The following ATRX variants were observed in gnomAD, a reference collection of about 807,000 sequenced individuals.
ATRX encodes the protein ATRX chromatin remodeler.
In ATRX, 12 loss-of-function variants were observed where a neutral mutation model predicts 172.6. The observed-to-expected ratio is 0.07, with a 90% CI of 0.04 to 0.11. The LOEUF is 0.11. Ranked by LOEUF, ATRX falls within the 10% of genes least tolerant of loss-of-function variation. The pLI, the probability that ATRX is intolerant of heterozygous loss-of-function variation, is 1.00. For missense variants in ATRX, 1,368 were observed against 1,767.4 expected, an observed-to-expected ratio of 0.77 and a Z score of 4.05; for synonymous variants, 674 against 594.7, an observed-to-expected ratio of 1.13 and a Z score of -1.94.
intron 1 of ATRX, among the ~76,000 whole-genome samples, chrX:77,754,273 G>A (rs2075410123): frequency 9.0e-6 from 1 of 110,939 alleles, no homozygotes; most frequent in Non-Finnish European, 1.9e-5. Context: ...GCACACCAAT[G>A]GGTCTTGACT....
chrX:77,536,848 C>T (rs1602423568), intron 30 of ATRX, among the ~76,000 whole-genome samples: 1 of 111,412 alleles, frequency 9.0e-6, no homozygotes, highest in East Asian at 2.8e-4. Context: ...CTTACACACA[C>T]ACACACGCAC....
chrX:77,596,951 A>G (rs1557084235), intron 25 of ATRX: 1 of 111,140 alleles, frequency 9.0e-6, no homozygotes, highest in Non-Finnish European at 1.9e-5. Flanking sequence ...AAAATTCAAC[A>G]AGAGTATTTT....
chrX:77,528,450 G>A (rs2063469480), intron 30 of ATRX, among the ~76,000 whole-genome samples: 1 of 111,268 alleles, frequency 9.0e-6, no homozygotes, highest in African/African-American at 3.3e-5. Context: ...TCCTGACTGG[G>A]TGAGATCTTC....
intron 2 of ATRX, among the ~76,000 whole-genome samples, chrX:77,704,396 A>G (rs1177790626): frequency 9.0e-6 from 1 of 111,624 alleles, no homozygotes; most frequent in African/African-American, 3.3e-5. Context: ...GTGCATGCCA[A>G]TTGGTCCACA....
At chrX:77,623,398 C>T (rs781994119) in intron 19 of ATRX, among the ~76,000 whole-genome samples, 9 of 110,982 alleles carry the variant, frequency 8.1e-5, no homozygotes, top group East Asian at 5.7e-4. Context: ...TAACAAGCAG[C>T]GAGACTGAAA....
At chrX:77,606,006 G>A (rs1557090284) in intron 22 of ATRX, among the ~76,000 whole-genome samples, 1 of 111,199 alleles carries the variant, frequency 9.0e-6, no homozygotes, top group Non-Finnish European at 1.9e-5. Flanking sequence ...AGAAGAAATG[G>A]ATAAATTCCT....
rs782237740 is a variant in ATRX, at chrX:77,762,304, CAAAAAA to C, written c.20+23672_20+23677del. Among the ~76,000 whole-genome samples, 3 of 23,410 alleles carry C rather than the reference CAAAAAA, an allele frequency of 1.3e-4. No individual in the cohort carries two copies. In the East Asian group the frequency reaches 4.6e-3, roughly 36 times the overall value. 20.3% of individuals were successfully genotyped at this position (23,410 alleles called of 115,157 possible). ...TGGGCGACAGAGCAAGACTCTGTCT[CAAAAAA>C]AAAAAAAAAAAAAAAAAAGATACAC... is the stretch of plus-strand genomic sequence containing the variant. On this transcript the variant is annotated intron_variant, in intron 1 of 34. Coordinates refer to ENST00000373344, the MANE Select transcript of ATRX (RefSeq NM_000489.6).
chrX:77,750,136 TTGTTA>T (rs1416647807), intron 1 of ATRX, among the ~76,000 whole-genome samples: 1 of 111,924 alleles, frequency 8.9e-6, no homozygotes, highest in Non-Finnish European at 1.9e-5. Context: ...TTACAGTATA[TTGTTA>T]TAATTGTTCT....
rs782115567 is a variant in ATRX, at chrX:77,558,762, A to C, written c.6411T>G (p.Ala2137=). ...GGATGTCATAAGATGGATTCCAAGA[A>C]GCGTCGAATATAATTACTCGATTAG... The part of the protein sequence containing the change: ...VAANRVIIFD[A]SWNPSYDIQS... Residue 2137 remains alanine (A), a synonymous_variant, in exon 29 of 35, where the codon GCT becomes GCG. Transcript: ENST00000373344. 3 of 1,201,353 alleles carry C rather than the reference A, an allele frequency of 2.5e-6. No individual in the cohort carries two copies. The Admixed American group carries it at 6.5e-5, about 26-fold the overall frequency.
intron 5 of ATRX, 100 bp downstream of exon 5, chrX:77,696,477 C>T (rs1396226824): frequency 4.4e-5 from 40 of 902,653 alleles, no homozygotes; most frequent in Non-Finnish European, 5.7e-5. Context: ...CATGTTTGGT[C>T]GTTTGTACAT....
intron 1 of ATRX, among the ~76,000 whole-genome samples, chrX:77,777,524 G>C (rs1462234109): frequency 8.9e-6 from 1 of 112,021 alleles, no homozygotes; most frequent in Non-Finnish European, 1.9e-5. Flanking sequence ...TGCAAATTTT[G>C]TCGTATGCTT....
chrX:77,729,830 G>C (rs1336517451), intron 1 of ATRX, among the ~76,000 whole-genome samples: 2 of 111,034 alleles, frequency 1.8e-5, no homozygotes, highest in African/African-American at 6.6e-5. Context: ...CCAGCTACTC[G>C]GTAGGCTGAG....
chrX:77,596,339 G>T (rs782328895), intron 25 of ATRX: 1 of 110,776 alleles, frequency 9.0e-6, no homozygotes, highest in Non-Finnish European at 1.9e-5. Context: ...TTTACTGTAA[G>T]AAAGTCATTT....
intron 13 of ATRX, 76 bp downstream of exon 13, chrX:77,656,484 A>C (rs1010701206): frequency 1.1e-4 from 81 of 752,313 alleles, no homozygotes; most frequent in Non-Finnish European, 1.5e-4. Context: ...TATTGGTAAC[A>C]GTAACCATAT....
chrX:77,712,903 C>T (rs2148732071), intron 2 of ATRX, among the ~76,000 whole-genome samples: 1 of 111,473 alleles, frequency 9.0e-6, no homozygotes, highest in African/African-American at 3.3e-5. Context: ...GTAATCCCAG[C>T]ACTTTGGGAG....
intron 2 of ATRX, among the ~76,000 whole-genome samples, chrX:77,705,481 G>A (rs1242328094): frequency 8.9e-5 from 10 of 112,214 alleles, no homozygotes; most frequent in Non-Finnish European, 1.1e-4. Flanking sequence ...ACGGCCCACC[G>A]CTGCCATCAC....
intron 27 of ATRX, among the ~76,000 whole-genome samples, chrX:77,583,839 GA>G (rs1354235204): frequency 9.0e-6 from 1 of 111,228 alleles, no homozygotes; most frequent in African/African-American, 3.3e-5. Context: ...AAATTGGAAA[GA>G]AAAAAATCAA....
chrX:77,771,672 A>G (rs1035911367), intron 1 of ATRX, among the ~76,000 whole-genome samples: 1 of 111,038 alleles, frequency 9.0e-6, no homozygotes, highest in Non-Finnish European at 1.9e-5. Flanking sequence ...CTCTTGGTTT[A>G]TATCTCTGTA....
intron 1 of ATRX, among the ~76,000 whole-genome samples, chrX:77,721,354 G>T (rs916169141): frequency 9.0e-6 from 1 of 111,394 alleles, no homozygotes; most frequent in Non-Finnish European, 1.9e-5. Context: ...AAGAAATAAA[G>T]GGTATTCAAT....
Sources: gnomAD v4.1 joint callset for allele counts (sites outside exome capture counted in the v4.1 genomes callset) on GRCh38, gnomAD v4.1.1 for gene constraint, MANE v1.5 for transcripts, NCBI Gene and HGNC (gene_info 2026-07-23, HGNC 2026-07-21) for gene names.